The following PDE8A variants were observed in gnomAD, a reference collection of about 807,000 sequenced individuals.
PDE8A encodes the protein phosphodiesterase 8A, also known as high affinity cAMP-specific and IBMX-insensitive 3',5'-cyclic phosphodiesterase 8A.
PDE8A carries 59 observed loss-of-function variants against 105.0 expected under a neutral mutation model. The ratio of observed to expected loss-of-function variants is 0.56; its 90% CI spans 0.46 to 0.70. The LOEUF (loss-of-function observed/expected upper bound fraction) is 0.70. Among genes scored for constraint, PDE8A ranks in the 30% least tolerant of loss-of-function variants. The pLI, the probability that PDE8A is intolerant of heterozygous loss-of-function variation, is 0.00. For synonymous variants in PDE8A, 355 were observed against 371.9 expected (o/e 0.95, Z 0.52); for missense variants, 1,014 against 1,045.9 (o/e 0.97, Z 0.42).
intron 19 of PDE8A, among the ~76,000 whole-genome samples, chr15:85,125,534 G>T (rs1340244658): frequency 6.6e-6 from 1 of 152,176 alleles, no homozygotes; most frequent in Non-Finnish European, 1.5e-5. Flanking sequence ...TCTTATCCTG[G>T]CTCGGCTGGT....
chr15:85,069,323 C>T (rs912548202), intron 3 of PDE8A, among the ~76,000 whole-genome samples: 5 of 152,184 alleles, frequency 3.3e-5, no homozygotes, highest in African/African-American at 4.8e-5. Flanking sequence ...CTCCATCCAG[C>T]CTCTCCTCAG....
intron 1 of PDE8A, chr15:85,062,763 C>T (rs1165033922): frequency 6.6e-6 from 1 of 152,188 alleles, no homozygotes; most frequent in African/African-American, 2.4e-5. Context: ...CAAGCCTTCC[C>T]CTGGAAGTTG....
upstream of PDE8A, among the ~76,000 whole-genome samples, chr15:84,981,460 C>T (rs1216869511): frequency 6.6e-6 from 1 of 152,172 alleles, no homozygotes; most frequent in African/African-American, 2.4e-5. Flanking sequence ...GACGGTGCGG[C>T]CCCAGGCCCC....
chr15:85,012,886 A>G lies in PDE8A; in HGVS notation c.186+30538A>G, dbSNP rs888793694. 7.2e-5 allele frequency among the ~76,000 whole-genome samples: 11 copies of G among 152,316 alleles called. No individual in the cohort carries two copies. The East Asian group carries it at 1.9e-3, about 27-fold the overall frequency. On this transcript the variant is annotated intron_variant, in intron 1 of 21. Transcript: ENST00000394553. ...GGAACAAAGAAGGAAATATAATATT[A>G]TATTGGCTTGTATAATCACCCTCTT... is the stretch of plus-strand genomic sequence containing the variant.
At position 84,981,967 on chromosome 15, in the gene PDE8A, A is replaced by ACCGCAG. The variant is rs1159918406; in HGVS notation, c.-191_-186dup. On this transcript the variant is annotated 5_prime_UTR_variant, in exon 1 of 22. Coordinates refer to ENST00000394553, the MANE Select transcript of PDE8A (RefSeq NM_002605.3). ...CCACCCGCCTAAGCGCCCCCTTCCCACCGCAGCCGCCGCCGCCGCAGCGCC... is the reference window on the plus strand; with the variant it reads ...CCACCCGCCTAAGCGCCCCCTTCCCACCGCAGCCGCAGCCGCCGCCGCCGCAGCGCC... 3.5e-5 allele frequency: 10 copies of ACCGCAG among 286,034 alleles called. No individual in the cohort carries two copies. The highest frequency in any genetic ancestry group is 6.4e-5 in the Non-Finnish European group (10 of 157,350). 17.7% of individuals were successfully genotyped at this position (286,034 alleles called of 1,614,324 possible). A position where few individuals can be genotyped will look rare whatever the true frequency, so the allele number is the denominator to read the frequency against.
chr15:85,129,830 T>C (rs745433979), intron 20 of PDE8A, among the ~76,000 whole-genome samples: 1 of 152,224 alleles, frequency 6.6e-6, no homozygotes. Context: ...TTCCCCCTTA[T>C]CACTGTTTTT....
At chr15:84,999,513 C>T (rs962280913) in intron 1 of PDE8A, among the ~76,000 whole-genome samples, 1 of 152,156 alleles carries the variant, frequency 6.6e-6, no homozygotes, top group African/African-American at 2.4e-5. Context: ...TGGACACTTG[C>T]TGGTAATGTG....
At chr15:85,105,130 G>A (rs1188172517) in intron 11 of PDE8A, among the ~76,000 whole-genome samples, 1 of 152,086 alleles carries the variant, frequency 6.6e-6, no homozygotes, top group Non-Finnish European at 1.5e-5. Context: ...AGGTGGTATG[G>A]AATGGAACCC....
chr15:85,035,354 G>A (rs193116887), intron 1 of PDE8A, among the ~76,000 whole-genome samples: 1 of 151,586 alleles, frequency 6.6e-6, no homozygotes, highest in Non-Finnish European at 1.5e-5. Flanking sequence ...GATTACAGGC[G>A]CCCGCCACCA....
intron 8 of PDE8A, among the ~76,000 whole-genome samples, chr15:85,095,726 C>T (rs1185849386): frequency 6.6e-6 from 1 of 151,818 alleles, no homozygotes; most frequent in African/African-American, 2.4e-5. Context: ...ACTCTGTTAC[C>T]CTAGCCAAGC....
intron 3 of PDE8A, 99 bp downstream of exon 3, chr15:85,067,303 C>T (rs977366713): frequency 8.7e-6 from 7 of 807,844 alleles, no homozygotes; most frequent in African/African-American, 7.0e-5. Context: ...TTTTAAGTTG[C>T]TTTCCATGCA....
rs374438912 is a variant in PDE8A, at chr15:85,108,293, C to T, written c.1037-760C>T. Reference sequence around the variant, plus strand: ...TCCAAGTGAGGAAGCCAAGACAAGGCAGAGAAGCTACTCCATGGCTGTGGG... The same window carrying T: ...TCCAAGTGAGGAAGCCAAGACAAGGTAGAGAAGCTACTCCATGGCTGTGGG... On this transcript the variant is annotated intron_variant, in intron 11 of 21. Coordinates refer to ENST00000394553, the MANE Select transcript of PDE8A (RefSeq NM_002605.3). 2.7e-3 allele frequency among the ~76,000 whole-genome samples: 416 copies of T among 152,326 alleles called. 5 individuals are homozygous for T. The highest frequency in any genetic ancestry group is 9.1e-3 in the African/African-American group (378 of 41,564).
In PDE8A at chr15:85,064,406, T is replaced by G; in HGVS notation, c.223T>G (p.Phe75Val). 1.2e-6 allele frequency: 2 copies of G among 1,608,460 alleles called. No homozygotes were observed. The highest frequency in any genetic ancestry group is 1.7e-6 in the Non-Finnish European group (2 of 1,175,066). The change falls in exon 2 of 22, where the codon TTT becomes GTT. Residue 75 changes from phenylalanine to valine, a missense_variant. Physicochemically the swap from Phe to Val is conservative, Grantham distance 50. Transcript: ENST00000394553. ...TGATGTGCAGTTTGGCCCCATGAGA[T>G]TTCATCAAGATCAACTTCAGGTAAT... ...VADVQFGPMR[F>V]HQDQLQVLLV...
intron 1 of PDE8A, among the ~76,000 whole-genome samples, chr15:85,002,029 C>A (rs2080075665): frequency 6.6e-6 from 1 of 151,846 alleles, no homozygotes; most frequent in Non-Finnish European, 1.5e-5. Flanking sequence ...GTCTTGAATT[C>A]CTGGCCTCAA....
intron 6 of PDE8A, among the ~76,000 whole-genome samples, chr15:85,085,371 G>C (rs968187787): frequency 2.0e-5 from 3 of 152,184 alleles, no homozygotes; most frequent in Non-Finnish European, 4.4e-5. Flanking sequence ...TAACAAGCAG[G>C]GGTGTTACTG....
chr15:85,117,920 T>C, intron 17 of PDE8A, 81 bp downstream of exon 17: 1 of 1,098,596 alleles, frequency 9.1e-7, no homozygotes, highest in Non-Finnish European at 1.4e-6. Context: ...CTAAGATACA[T>C]AGCATGACTG....
intron 21 of PDE8A, among the ~76,000 whole-genome samples, chr15:85,137,462 CGGGGGGG>C (rs2082430164): frequency 7.1e-6 from 1 of 140,526 alleles, no homozygotes; most frequent in Admixed American, 7.0e-5. Context: ...TCGGTTGGGG[CGGGGGGG>C]CAGGGGCACA....
intron 11 of PDE8A, among the ~76,000 whole-genome samples, chr15:85,106,036 C>T (rs1215123893): frequency 6.6e-6 from 1 of 152,148 alleles, no homozygotes; most frequent in Non-Finnish European, 1.5e-5. Flanking sequence ...CTTAGCAGGG[C>T]TTTTGGGAAC....
chr15:85,089,728 G>A (rs1337088580), intron 7 of PDE8A, among the ~76,000 whole-genome samples: 3 of 152,164 alleles, frequency 2.0e-5, no homozygotes, highest in Non-Finnish European at 4.4e-5. Context: ...GGGGCTTGGG[G>A]GTAGTGCTGT....
Sources: gnomAD v4.1 joint callset for allele counts (sites outside exome capture counted in the v4.1 genomes callset) on GRCh38, gnomAD v4.1.1 for gene constraint, MANE v1.5 for transcripts, NCBI Gene and HGNC (gene_info 2026-07-23, HGNC 2026-07-21) for gene names.